ZNF804A: variants seen among roughly 807,000 people sequenced by gnomAD.
The protein encoded by ZNF804A is zinc finger protein 804A.
Under a neutral mutation model 16.5 loss-of-function variants are expected in ZNF804A, and 2 were observed. The observed-to-expected ratio is 0.12, with a 90% CI of 0.05 to 0.38. The LOEUF is 0.38. ZNF804A is among the 10% of genes least tolerant of loss of function. The pLI, the probability that ZNF804A is intolerant of heterozygous loss-of-function variation, is 0.99. For missense variants in ZNF804A, 1,473 were observed against 1,390.7 expected, an observed-to-expected ratio of 1.06 and a Z score of -0.94; for synonymous variants, 534 against 489.6, an observed-to-expected ratio of 1.09 and a Z score of -1.20.
chr2:184,861,348 C>A (rs1574245819), intron 1 of ZNF804A, among the ~76,000 whole-genome samples: 1 of 152,132 alleles, frequency 6.6e-6, no homozygotes, highest in East Asian at 1.9e-4. Context: ...GCTACAATCT[C>A]TTATCTGGTT....
intron 1 of ZNF804A, among the ~76,000 whole-genome samples, chr2:184,767,454 A>G (rs1205173230): frequency 1.3e-5 from 2 of 152,144 alleles, no homozygotes; most frequent in Non-Finnish European, 2.9e-5. Context: ...GAAGGGGGAA[A>G]TGGAGAGTTG....
At chr2:184,695,288 C>T (rs1372301535) in intron 1 of ZNF804A, among the ~76,000 whole-genome samples, 2 of 151,182 alleles carry the variant, frequency 1.3e-5, no homozygotes, top group East Asian at 1.9e-4. Flanking sequence ...GGTGAAACCC[C>T]GTCTCTACTA....
At chr2:184,705,653 A>G (rs530099328) in intron 1 of ZNF804A, among the ~76,000 whole-genome samples, 1 of 152,110 alleles carries the variant, frequency 6.6e-6, no homozygotes, top group Non-Finnish European at 1.5e-5. Flanking sequence ...TACATGATTA[A>G]TAATTTATTT....
rs796143077 is a variant in ZNF804A at position 184,932,634 on chromosome 2, A to T, written c.256-969A>T. Among the ~76,000 whole-genome samples, 4 of 152,310 alleles carry T rather than the reference A, an allele frequency of 2.6e-5. No homozygotes were observed. In the East Asian group the frequency reaches 7.7e-4, roughly 29 times the overall value. On this transcript the variant is annotated intron_variant, in intron 2 of 3. Coordinates refer to ENST00000302277, the MANE Select transcript of ZNF804A (RefSeq NM_194250.2). Reference sequence around the variant, plus strand: ...CACAGTCACATTATATCACTAGTATAAGTGAGTCCTACTCAAGATTCTGAC... The same window carrying T: ...CACAGTCACATTATATCACTAGTATTAGTGAGTCCTACTCAAGATTCTGAC...
intron 1 of ZNF804A, among the ~76,000 whole-genome samples, chr2:184,830,511 A>G (rs1045549531): frequency 1.2e-4 from 19 of 152,144 alleles, no homozygotes; most frequent in Non-Finnish European, 1.9e-4. Flanking sequence ...TTACCTGAAG[A>G]TTCTATCATT....
At chr2:184,771,960 C>T (rs1694222357) in intron 1 of ZNF804A, among the ~76,000 whole-genome samples, 1 of 152,014 alleles carries the variant, frequency 6.6e-6, no homozygotes, top group African/African-American at 2.4e-5. Flanking sequence ...AGGTAAATGT[C>T]TCACTTCCTC....
At chr2:184,899,491 T>C (rs1464242512) in intron 2 of ZNF804A, among the ~76,000 whole-genome samples, 1 of 152,022 alleles carries the variant, frequency 6.6e-6, no homozygotes, top group Non-Finnish European at 1.5e-5. Flanking sequence ...CAAATGCAGA[T>C]GGCATGGATT....
At chr2:184,677,491 A>G (rs1692458648) in intron 1 of ZNF804A, among the ~76,000 whole-genome samples, 2 of 151,980 alleles carry the variant, frequency 1.3e-5, no homozygotes, top group African/African-American at 2.4e-5. Context: ...ATTATCTACA[A>G]TGTCAATAAT....
intron 2 of ZNF804A, among the ~76,000 whole-genome samples, chr2:184,885,233 T>G (rs543140423): frequency 6.6e-6 from 1 of 152,288 alleles, no homozygotes; most frequent in Admixed American, 6.5e-5. Flanking sequence ...ACTTATACAC[T>G]GCTCGTATGA....
At chr2:184,647,608 T>G (rs1691903068) in intron 1 of ZNF804A, among the ~76,000 whole-genome samples, 1 of 152,166 alleles carries the variant, frequency 6.6e-6, no homozygotes, top group Non-Finnish European at 1.5e-5. Flanking sequence ...ATATAAAGAT[T>G]TATCAACAGA....
At chr2:184,737,506 C>T (rs1693645059) in intron 1 of ZNF804A, among the ~76,000 whole-genome samples, 3 of 151,940 alleles carry the variant, frequency 2.0e-5, no homozygotes, top group Admixed American at 1.3e-4. Context: ...TTGTGTAAAA[C>T]CTTATACTTG....
At chr2:184,933,281 G>A (rs1385487842) in intron 2 of ZNF804A, among the ~76,000 whole-genome samples, 1 of 152,084 alleles carries the variant, frequency 6.6e-6, no homozygotes, top group Non-Finnish European at 1.5e-5. Flanking sequence ...GTAAATTTGG[G>A]ATTTATAAGG....
intron 1 of ZNF804A, among the ~76,000 whole-genome samples, chr2:184,607,050 G>A (rs1691158428): frequency 6.6e-6 from 1 of 152,162 alleles, no homozygotes; most frequent in South Asian, 2.1e-4. Context: ...AGAGCTGATT[G>A]TGAAATTTTT....
At chr2:184,656,031 T>A (rs1244203690) in intron 1 of ZNF804A, among the ~76,000 whole-genome samples, 1 of 152,140 alleles carries the variant, frequency 6.6e-6, no homozygotes, top group Non-Finnish European at 1.5e-5. Flanking sequence ...ATTCTAAATT[T>A]AAATCCAACA....
intron 1 of ZNF804A, among the ~76,000 whole-genome samples, chr2:184,684,582 C>G (rs1692597791): frequency 6.6e-6 from 1 of 151,948 alleles, no homozygotes; most frequent in African/African-American, 2.4e-5. Context: ...TAAATGTAAA[C>G]TTATATTTTA....
At chr2:184,811,269 GC>G (rs1694895033) in intron 1 of ZNF804A, among the ~76,000 whole-genome samples, 1 of 152,102 alleles carries the variant, frequency 6.6e-6, no homozygotes, top group Non-Finnish European at 1.5e-5. Flanking sequence ...CATACCGATG[GC>G]ATGCTCTTCA....
chr2:184,880,789 C>A (rs1185069135), intron 2 of ZNF804A, among the ~76,000 whole-genome samples: 1 of 151,972 alleles, frequency 6.6e-6, no homozygotes, highest in Non-Finnish European at 1.5e-5. Flanking sequence ...GGCAGAAGGG[C>A]AAGACAGAGC....
At chr2:184,835,837 A>G (rs1695337291) in intron 1 of ZNF804A, among the ~76,000 whole-genome samples, 1 of 152,116 alleles carries the variant, frequency 6.6e-6, no homozygotes, top group Non-Finnish European at 1.5e-5. Flanking sequence ...TGTTGCAGGC[A>G]AGTTTGTGGA....
chr2:184,816,757 T>C (rs567793467), intron 1 of ZNF804A, among the ~76,000 whole-genome samples: 1 of 152,092 alleles, frequency 6.6e-6, no homozygotes, highest in East Asian at 1.9e-4. Context: ...AGTATTTTTT[T>C]TGTCATTGCT....
Sources: gnomAD v4.1 joint callset for allele counts (sites outside exome capture counted in the v4.1 genomes callset) on GRCh38, gnomAD v4.1.1 for gene constraint, MANE v1.5 for transcripts, NCBI Gene and HGNC (gene_info 2026-07-23, HGNC 2026-07-21) for gene names.